CWF19L1: variants seen among roughly 807,000 people sequenced by gnomAD.
The protein encoded by CWF19L1 is CWF19-like protein 1.
CWF19L1 carries 60 observed loss-of-function variants against 69.7 expected under a neutral mutation model. The observed-to-expected ratio is 0.86, with a 90% CI of 0.70 to 1.07. The LOEUF is 1.07. CWF19L1 is among the 50% of genes least tolerant of loss of function. CWF19L1 has a pLI of 0.00. For synonymous variants in CWF19L1, 209 were observed against 222.2 expected, an observed-to-expected ratio of 0.94 and a Z score of 0.53; for missense variants, 591 against 638.9, an observed-to-expected ratio of 0.92 and a Z score of 0.81.
chr10:100,248,489 G>T, intron 7 of CWF19L1: 1 of 677,440 alleles, frequency 1.5e-6, no homozygotes. Flanking sequence ...CATGTAATGT[G>T]CCAGTCATCA....
At chr10:100,242,896 C>A (rs1173507871) in intron 10 of CWF19L1, among the ~76,000 whole-genome samples, 1 of 152,068 alleles carries the variant, frequency 6.6e-6, no homozygotes, top group East Asian at 1.9e-4. Context: ...AAAAGCATCA[C>A]CCCTAGAGAA....
Position 100,262,031 on chromosome 10 carries a change from T to C in CWF19L1, c.56A>G (p.Asp19Gly), listed in dbSNP as rs780107826. The change falls in exon 2 of 14, where the codon GAT (aspartate) becomes GGT (glycine). Residue 19 changes from aspartate (D) to glycine (G), a missense_variant. Asp to Gly is a moderately conservative substitution (Grantham distance 94). Transcript: ENST00000354105. ...LACGDVEGKF[D>G]ILFNRVQAIQ... is the part of the protein sequence containing the mutation. ...TGCTTGAACTCTATTGAATAAAATA[T>C]CAAACTTTCCTTCAACATCTCCACA... is the stretch of plus-strand genomic sequence containing the variant. The C allele has an allele frequency of 4.3e-6, 7 of 1,611,200 alleles. No homozygotes were observed. Among genetic ancestry groups the C allele is most frequent in the East Asian group, 4.5e-5 (2 of 44,822 alleles).
intron 4 of CWF19L1, among the ~76,000 whole-genome samples, chr10:100,259,134 G>A (rs1847310752): frequency 6.6e-6 from 1 of 151,474 alleles, no homozygotes; most frequent in Non-Finnish European, 1.5e-5. Context: ...CAGGGAGTCG[G>A]ATGTTGCAGT....
At chr10:100,259,954 A>G (rs1004631868) in intron 4 of CWF19L1, among the ~76,000 whole-genome samples, 1 of 152,096 alleles carries the variant, frequency 6.6e-6, no homozygotes, top group African/African-American at 2.4e-5. Flanking sequence ...ATCACGAGGT[A>G]AGGAGATCGA....
chr10:100,234,796 T>C (rs1314205815), intron 13 of CWF19L1, among the ~76,000 whole-genome samples: 1 of 152,212 alleles, frequency 6.6e-6, no homozygotes, highest in Non-Finnish European at 1.5e-5. Flanking sequence ...AATCTTTGCT[T>C]AAGTTATGTT....
At chr10:100,264,827 A>G (rs894686920) in intron 1 of CWF19L1, among the ~76,000 whole-genome samples, 2 of 151,662 alleles carry the variant, frequency 1.3e-5, no homozygotes, top group African/African-American at 4.8e-5. Flanking sequence ...GTTTGCAACA[A>G]AACAAGTTTA....
At chr10:100,253,368 G>A (rs945329258) in intron 6 of CWF19L1, 53 bp downstream of exon 6, 1 of 1,076,628 alleles carries the variant, frequency 9.3e-7, no homozygotes, top group African/African-American at 1.6e-5. Flanking sequence ...AGTTTATACA[G>A]AAGATCCATG....
At chr10:100,252,127 A>G (rs2134304066) in intron 6 of CWF19L1, among the ~76,000 whole-genome samples, 1 of 152,348 alleles carries the variant, frequency 6.6e-6, no homozygotes, top group African/African-American at 2.4e-5. Flanking sequence ...CATGCCCTTT[A>G]TCAGTGAAGA....
rs4919443 is a variant in CWF19L1, at chr10:100,262,992, C to G, written c.24-929G>C. On this transcript the variant is annotated intron_variant, in intron 1 of 13. Coordinates refer to ENST00000354105, the MANE Select transcript of CWF19L1 (RefSeq NM_018294.6). ...TCACCCAGGCTAAAGTGCAGTGGCA[C>G]GACCTTGGCTCACTGCAACCTCCAC... 5.3e-5 allele frequency among the ~76,000 whole-genome samples: 8 copies of G among 151,732 alleles called. No homozygotes were observed. The South Asian group carries it at 1.7e-3, about 32-fold the overall frequency.
At chr10:100,255,891 C>G (rs543818878) in intron 5 of CWF19L1, among the ~76,000 whole-genome samples, 1 of 151,976 alleles carries the variant, frequency 6.6e-6, no homozygotes, top group African/African-American at 2.4e-5. Flanking sequence ...GATCGCACCA[C>G]TGCACTCCAA....
chr10:100,252,582 C>G (rs1032635889), intron 6 of CWF19L1, among the ~76,000 whole-genome samples: 2 of 152,058 alleles, frequency 1.3e-5, no homozygotes, highest in Non-Finnish European at 1.5e-5. Flanking sequence ...CGCCTGTAAT[C>G]CCAGCACTTT....
chr10:100,257,325 C>T lies in CWF19L1; in HGVS notation c.290-849G>A, dbSNP rs191411800. 8.6e-3 allele frequency among the ~76,000 whole-genome samples: 1,063 copies of T among 123,878 alleles called. 20 individuals carry two copies. The highest frequency in any genetic ancestry group is 0.029 in the African/African-American group (948 of 32,240). 81.3% of individuals were successfully genotyped at this position (123,878 alleles called of 152,430 possible). A position where few individuals can be genotyped will look rare whatever the true frequency, so the allele number is the denominator to read the frequency against. Reference sequence around the variant, plus strand: ...TTTTTTTTTTTTTGAGATGGAGTCTCGCTCTGTTGCCAGGCTGGAGTGCAG... The same window carrying T: ...TTTTTTTTTTTTTGAGATGGAGTCTTGCTCTGTTGCCAGGCTGGAGTGCAG... On this transcript the variant is annotated intron_variant, in intron 4 of 13. Coordinates refer to ENST00000354105, the MANE Select transcript of CWF19L1 (RefSeq NM_018294.6).
At chr10:100,246,087 C>A (rs986917277) in intron 8 of CWF19L1, 174 bp from the exon 9 acceptor site, 3 of 557,286 alleles carry the variant, frequency 5.4e-6, no homozygotes, top group Non-Finnish European at 6.4e-6. Context: ...CCTGAAGTCT[C>A]AGTCATACAT....
In CWF19L1 at chr10:100,256,425, C is replaced by T. The variant is rs1398996801; in HGVS notation, c.341G>A (p.Ser114Asn). ...GSSGLQIVYL[S>N]GTESLNEPVP... is the part of the protein sequence containing the mutation. ...TGGCTCATTTAAGGATTCTGTCCCA[C>T]TGAGGTACACAATCTGCAGCCCCGA... The change falls in exon 5 of 14, where the codon AGT (serine) becomes AAT (asparagine). Residue 114 changes from serine (S) to asparagine (N), a missense_variant. Coordinates refer to ENST00000354105, the MANE Select transcript of CWF19L1 (RefSeq NM_018294.6). The T allele has an allele frequency of 6.2e-7, 1 of 1,614,238 alleles. No individual in the cohort carries two copies. Among genetic ancestry groups the T allele is most frequent in the South Asian group, 1.1e-5 (1 of 91,092 alleles).
Position 100,245,849 on chromosome 10 carries a change from G to A in CWF19L1, c.914C>T (p.Thr305Ile), listed in dbSNP as rs746865602. The A allele has an allele frequency of 2.5e-6, 4 of 1,614,196 alleles. No homozygotes were observed. Among genetic ancestry groups the A allele is most frequent in the South Asian group, 1.1e-5 (1 of 91,086 alleles). ...AGGAGAAGATTTGCTATCTCTACCTGTGGATGAACGCTTCCTTCCCTGCTT... is the reference window on the plus strand; with the variant it reads ...AGGAGAAGATTTGCTATCTCTACCTATGGATGAACGCTTCCTTCCCTGCTT... ...NEKQGRKRSS[T>I]GRDSKSSPHP... is the part of the protein sequence containing the mutation. The change falls in exon 9 of 14, where the codon ACA (threonine) becomes ATA (isoleucine). Residue 305 changes from threonine to isoleucine, a missense_variant. Thr to Ile is a moderately conservative substitution (Grantham distance 89). Around this residue, in one of 3 missense-constraint regions of CWF19L1, gnomAD observed 458 missense variants for 489.3 expected, o/e 0.94. Coordinates refer to ENST00000354105, the MANE Select transcript of CWF19L1 (RefSeq NM_018294.6).
intron 6 of CWF19L1, among the ~76,000 whole-genome samples, chr10:100,251,505 CTT>C (rs1208146959): frequency 0.037 from 3,273 of 87,518 alleles, 15 homozygotes; most frequent in African/African-American, 0.11. Context: ...GTCTATTGGC[CTT>C]TTTTTTTTTT....
At chr10:100,253,184 C>A (rs181798686) in intron 6 of CWF19L1, among the ~76,000 whole-genome samples, 87 of 152,098 alleles carry the variant, frequency 5.7e-4, no homozygotes, top group Admixed American at 1.2e-3. Flanking sequence ...CATGCCTGGC[C>A]CTGAAAAGGA....
intron 1 of CWF19L1, chr10:100,262,469 C>T (rs959295066): frequency 2.0e-6 from 2 of 985,264 alleles, no homozygotes; most frequent in Non-Finnish European, 2.4e-6. Context: ...CTCCTCCTAT[C>T]TTAGTACAGG....
At position 100,238,233 on chromosome 10, in the gene CWF19L1, T is replaced by G. The variant is rs1424478086; in HGVS notation, c.1045-2A>C. ...TCCTTTGGCCAGGGCAAGGTAGCAC[T>G]GAAGAAGCAGCACACAGAATTGAGA... is the stretch of plus-strand genomic sequence containing the variant. On this transcript the variant is annotated splice_acceptor_variant, in intron 10 of 13. Transcript: ENST00000354105. LOFTEE classifies it high-confidence loss of function. 12 of 1,613,980 alleles carry G rather than the reference T, an allele frequency of 7.4e-6. No individual in the cohort carries two copies. The highest frequency in any genetic ancestry group is 1.7e-5 in the Admixed American group (1 of 60,008).
Sources: allele counts gnomAD v4.1 joint callset (sites outside exome capture counted in the v4.1 genomes callset), GRCh38; gene constraint gnomAD v4.1.1; regional missense constraint gnomAD v4.1.1; transcripts MANE v1.5; gene names NCBI Gene and HGNC (gene_info 2026-07-23, HGNC 2026-07-21).